Variants in KCNMA1 observed in about 807,000 individuals in gnomAD.
KCNMA1 encodes potassium calcium-activated channel subfamily M alpha 1.
A neutral mutation model predicts 140.0 loss-of-function variants in KCNMA1; 29 were observed. The ratio of observed to expected loss-of-function variants is 0.21; its 90% confidence interval spans 0.15 to 0.28. KCNMA1 has a LOEUF of 0.28. KCNMA1 is among the 10% of genes least tolerant of loss of function. The pLI, the probability that KCNMA1 is intolerant of heterozygous loss-of-function variation, is 1.00. For missense variants in KCNMA1, 880 were observed against 1,602.2 expected (o/e 0.55, Z 7.70); for synonymous variants, 612 against 611.9 (o/e 1.00, Z 0.00).
At chr10:77,490,704 C>A (rs2098522004) in intron 1 of KCNMA1, among the ~76,000 whole-genome samples, 1 of 152,202 alleles carries the variant, frequency 6.6e-6, no homozygotes, top group African/African-American at 2.4e-5. Flanking sequence ...TCTGCCTGTG[C>A]TCTTTCCAAC....
At chr10:77,200,568 C>A (rs2042134066) in intron 3 of KCNMA1, among the ~76,000 whole-genome samples, 1 of 151,976 alleles carries the variant, frequency 6.6e-6, no homozygotes, top group African/African-American at 2.4e-5. Flanking sequence ...GTTCTCTCTC[C>A]TACCACGGCC....
intron 1 of KCNMA1, among the ~76,000 whole-genome samples, chr10:77,482,986 T>TCACA (rs1257297205): frequency 5.3e-5 from 4 of 75,416 alleles, no homozygotes; most frequent in African/African-American, 1.3e-4. Context: ...TCTCTCTCTC[T>TCACA]CACATACACA....
At chr10:77,503,220 G>A (rs1167310984) in intron 1 of KCNMA1, among the ~76,000 whole-genome samples, 1 of 152,234 alleles carries the variant, frequency 6.6e-6, no homozygotes, top group African/African-American at 2.4e-5. Context: ...AGGAGAATGG[G>A]AGTGGTAAGA....
chr10:77,247,863 G>A (rs184206883), intron 3 of KCNMA1, among the ~76,000 whole-genome samples: 52 of 152,174 alleles, frequency 3.4e-4, no homozygotes, highest in African/African-American at 1.0e-3. Flanking sequence ...AAGGTTTAAC[G>A]TAATTATCTT....
chr10:77,261,438 T>C (rs2061980980), intron 2 of KCNMA1, among the ~76,000 whole-genome samples: 1 of 152,200 alleles, frequency 6.6e-6, no homozygotes, highest in African/African-American at 2.4e-5. Flanking sequence ...GCCAGAGTTA[T>C]GTGAACTTCT....
intron 1 of KCNMA1, among the ~76,000 whole-genome samples, chr10:77,590,625 A>C (rs2078829976): frequency 6.6e-6 from 1 of 152,230 alleles, no homozygotes; most frequent in Non-Finnish European, 1.5e-5. Context: ...CCACCCCAGA[A>C]AGGGGCTCCC....
intron 1 of KCNMA1, among the ~76,000 whole-genome samples, chr10:77,558,760 G>A (rs951354257): frequency 3.9e-5 from 6 of 152,182 alleles, no homozygotes; most frequent in African/African-American, 1.4e-4. Context: ...TCCAAATCAG[G>A]TGGAAGAAGG....
chr10:76,954,061 C>T, intron 20 of KCNMA1, 137 bp from the exon 21 acceptor site: 1 of 997,122 alleles, frequency 1.0e-6, no homozygotes. Flanking sequence ...CTTCTGCTTA[C>T]AGAATCCATC....
intron 1 of KCNMA1, among the ~76,000 whole-genome samples, chr10:77,564,232 G>C (rs1025853493): frequency 1.3e-5 from 2 of 152,204 alleles, no homozygotes; most frequent in African/African-American, 4.8e-5. Context: ...TCCTGCAAGA[G>C]GAAGGCTTTG....
chr10:77,037,000 C>T (rs2094380064), intron 15 of KCNMA1, among the ~76,000 whole-genome samples: 1 of 152,192 alleles, frequency 6.6e-6, no homozygotes, highest in African/African-American at 2.4e-5. Flanking sequence ...TGTACACATT[C>T]TCACTCACAT....
intron 2 of KCNMA1, among the ~76,000 whole-genome samples, chr10:77,251,860 C>G (rs957709558): frequency 6.6e-6 from 1 of 152,182 alleles, no homozygotes; most frequent in Non-Finnish European, 1.5e-5. Context: ...CCAGACCACA[C>G]TAATCTACTT....
chr10:77,126,717 ACC>A (rs1249928637), intron 5 of KCNMA1, among the ~76,000 whole-genome samples: 1 of 68,418 alleles, frequency 1.5e-5, no homozygotes, highest in Non-Finnish European at 3.1e-5. Flanking sequence ...GGTGCCCCCC[ACC>A]CCCCCACCCC....
chr10:77,608,263 C>G (rs1034507584), intron 1 of KCNMA1, among the ~76,000 whole-genome samples: 3 of 152,162 alleles, frequency 2.0e-5, no homozygotes, highest in Non-Finnish European at 4.4e-5. Context: ...ACCTCCACCT[C>G]CCAGGCTCAA....
At chr10:77,090,569 C>A in intron 9 of KCNMA1, 59 bp from the exon 10 acceptor site, 5 of 1,124,930 alleles carry the variant, frequency 4.4e-6, no homozygotes, top group Middle Eastern at 2.4e-4. Context: ...CTGCATCCCA[C>A]CCCCTGGCAA....
chr10:77,238,585 G>A (rs1466530406), intron 3 of KCNMA1, among the ~76,000 whole-genome samples: 2 of 152,194 alleles, frequency 1.3e-5, no homozygotes, highest in African/African-American at 4.8e-5. Flanking sequence ...GATTTTGAAT[G>A]CATTGCAGGT....
At chr10:77,627,690 C>T (rs1185537819) in intron 1 of KCNMA1, among the ~76,000 whole-genome samples, 3 of 152,234 alleles carry the variant, frequency 2.0e-5, no homozygotes, top group African/African-American at 7.2e-5. Context: ...AATCTACCAT[C>T]CACCAAGGCT....
At chr10:77,620,046 G>A (rs563628523) in intron 1 of KCNMA1, among the ~76,000 whole-genome samples, 1 of 152,310 alleles carries the variant, frequency 6.6e-6, no homozygotes, top group African/African-American at 2.4e-5. Flanking sequence ...TGGGCACTCT[G>A]CAGTGATGAT....
chr10:77,432,508 C>A (rs2097174889), intron 1 of KCNMA1, among the ~76,000 whole-genome samples: 1 of 152,148 alleles, frequency 6.6e-6, no homozygotes, highest in Admixed American at 6.5e-5. Context: ...CAGCAACAAG[C>A]CAACTGGCAT....
chr10:77,091,189 G>C (rs993042258), intron 9 of KCNMA1: 2 of 153,428 alleles, frequency 1.3e-5, no homozygotes, highest in Non-Finnish European at 2.9e-5. Flanking sequence ...AGCTGGCTGT[G>C]CGTCCCCAGA....
Sources: allele counts gnomAD v4.1 joint callset (sites outside exome capture counted in the v4.1 genomes callset), GRCh38; gene constraint gnomAD v4.1.1; transcripts MANE v1.5; gene names NCBI Gene and HGNC (gene_info 2026-07-23, HGNC 2026-07-21).